DNAH11: variants seen among roughly 807,000 people sequenced by gnomAD.
The protein encoded by DNAH11 is axonemal beta dynein heavy chain 11.
DNAH11 carries 442 observed loss-of-function variants against 526.0 expected under a neutral mutation model. The ratio of observed to expected loss-of-function variants is 0.84; its 90% CI spans 0.78 to 0.91. The LOEUF is 0.91. DNAH11 is among the 40% of genes least tolerant of loss of function. The probability of loss-of-function intolerance (pLI) is 0.00; values close to 1 mark genes in which losing one functional copy is unlikely to be tolerated. For missense variants in DNAH11, 6,989 were observed against 5,448.7 expected (o/e 1.28, Z -8.90); for synonymous variants, 2,461 against 1,935.9 (o/e 1.27, Z -7.12).
intron 30 of DNAH11, among the ~76,000 whole-genome samples, chr7:21,680,676 A>G (rs1178710510): frequency 6.6e-6 from 1 of 152,216 alleles, no homozygotes; most frequent in Admixed American, 6.5e-5. Flanking sequence ...TTTCCATTCT[A>G]TGAAAAAAGA....
At chr7:21,621,144 A>G (rs1562707289) in intron 25 of DNAH11, among the ~76,000 whole-genome samples, 1 of 152,178 alleles carries the variant, frequency 6.6e-6, no homozygotes, top group Non-Finnish European at 1.5e-5. Context: ...CGCCACACTG[A>G]CTTCCACAAG....
intron 58 of DNAH11, among the ~76,000 whole-genome samples, chr7:21,785,808 A>G (rs562018858): frequency 1.3e-5 from 2 of 152,318 alleles, no homozygotes; most frequent in African/African-American, 4.8e-5. Context: ...CTTTGTAATC[A>G]TATACCAAAT....
intron 66 of DNAH11, among the ~76,000 whole-genome samples, chr7:21,844,006 C>T (rs879625539): frequency 1.3e-5 from 2 of 152,158 alleles, no homozygotes; most frequent in African/African-American, 2.4e-5. Context: ...CAACATTATT[C>T]ATATTTTGAA....
chr7:21,691,633 A>G (rs550175305), intron 35 of DNAH11, among the ~76,000 whole-genome samples: 26 of 152,324 alleles, frequency 1.7e-4, no homozygotes, highest in African/African-American at 6.3e-4. Flanking sequence ...GCCTCCTTTT[A>G]TAATTTATAT....
intron 8 of DNAH11, among the ~76,000 whole-genome samples, chr7:21,580,868 C>T (rs1344383728): frequency 6.6e-6 from 1 of 152,212 alleles, no homozygotes; most frequent in Non-Finnish European, 1.5e-5. Flanking sequence ...AGAAACATAG[C>T]ATCTGGGATC....
intron 28 of DNAH11, among the ~76,000 whole-genome samples, chr7:21,652,663 A>G (rs918644823): frequency 5.3e-5 from 8 of 152,154 alleles, no homozygotes; most frequent in Non-Finnish European, 8.8e-5. Flanking sequence ...CAGATTGCAT[A>G]ACGTGATTTC....
Position 21,765,652 on chromosome 7 carries a change from A to ACACACACG in DNAH11, c.9102+70_9102+71insGCACACAC, listed in dbSNP as rs1475274729. 5 of 1,152,050 alleles carry ACACACACG rather than the reference A, an allele frequency of 4.3e-6. No homozygotes were observed. In the African/African-American group the frequency reaches 9.2e-5, roughly 21 times the overall value. 71.4% of individuals were successfully genotyped at this position (1,152,050 alleles called of 1,614,324 possible). ...CACACACACACACACACACACACAC[A>ACACACACG]CACACACTCTGAAAATCCTCAGTAG... On this transcript the variant is annotated intron_variant, in intron 55 of 81. Transcript: ENST00000409508.
chr7:21,810,462 C>T (rs1252164753), intron 63 of DNAH11, among the ~76,000 whole-genome samples: 1 of 152,088 alleles, frequency 6.6e-6, no homozygotes, highest in African/African-American at 2.4e-5. Context: ...TGCTGGTCTC[C>T]GTTACTTTAG....
intron 62 of DNAH11, among the ~76,000 whole-genome samples, chr7:21,804,980 C>T (rs571508254): frequency 6.6e-6 from 1 of 152,194 alleles, no homozygotes; most frequent in African/African-American, 2.4e-5. Flanking sequence ...CCCATCTTCA[C>T]TGGCCTTCTG....
At chr7:21,650,464 C>G (rs1787577013) in intron 28 of DNAH11, among the ~76,000 whole-genome samples, 1 of 150,476 alleles carries the variant, frequency 6.6e-6, no homozygotes, top group African/African-American at 2.4e-5. Flanking sequence ...TAATATTCCT[C>G]TACAATTTGA....
chr7:21,787,881 TC>T (rs1249441706), intron 60 of DNAH11, among the ~76,000 whole-genome samples: 3 of 152,230 alleles, frequency 2.0e-5, no homozygotes, highest in African/African-American at 7.2e-5. Flanking sequence ...AATATTTAAT[TC>T]ATGTTGACTT....
intron 14 of DNAH11, among the ~76,000 whole-genome samples, chr7:21,592,950 T>C (rs1436667420): frequency 6.6e-6 from 1 of 152,128 alleles, no homozygotes; most frequent in African/African-American, 2.4e-5. Flanking sequence ...ACATTTTGAG[T>C]AGACTAGAAT....
chr7:21,651,394 G>A (rs62447807), intron 28 of DNAH11, among the ~76,000 whole-genome samples: 189 of 151,430 alleles, frequency 1.2e-3, no homozygotes, highest in African/African-American at 4.4e-3. Context: ...ACAGAGTCTC[G>A]CTCTGTCACC....
intron 65 of DNAH11, among the ~76,000 whole-genome samples, chr7:21,827,208 C>A: frequency 6.6e-6 from 1 of 152,150 alleles, no homozygotes; most frequent in East Asian, 1.9e-4. Flanking sequence ...TGGGTAATTA[C>A]AAATAATTAA....
chr7:21,806,508 C>T (rs557538348), intron 62 of DNAH11, among the ~76,000 whole-genome samples: 1 of 152,288 alleles, frequency 6.6e-6, no homozygotes, highest in South Asian at 2.1e-4. Context: ...ACCATTTTCA[C>T]ATGCTAATTT....
chr7:21,636,715 G>A (rs772313711), intron 26 of DNAH11, among the ~76,000 whole-genome samples: 12 of 152,178 alleles, frequency 7.9e-5, no homozygotes, highest in Non-Finnish European at 4.4e-5. Context: ...CTCCAGCCTG[G>A]GTGACAGAAT....
intron 55 of DNAH11, among the ~76,000 whole-genome samples, chr7:21,766,782 G>GA (rs1400130275): frequency 2.0e-5 from 3 of 151,376 alleles, no homozygotes; most frequent in African/African-American, 7.3e-5. Flanking sequence ...GAATTTTGTG[G>GA]AGGGAGACCT....
At chr7:21,849,619 C>T (rs976622386) in intron 66 of DNAH11, among the ~76,000 whole-genome samples, 5 of 152,086 alleles carry the variant, frequency 3.3e-5, no homozygotes, top group African/African-American at 1.2e-4. Context: ...TTTCCTTAAA[C>T]ATTTTAAATA....
chr7:21,839,586 A>AG (rs1782127677), intron 65 of DNAH11, among the ~76,000 whole-genome samples: 1 of 151,686 alleles, frequency 6.6e-6, no homozygotes, highest in Non-Finnish European at 1.5e-5. Context: ...AAAAAAAAAA[A>AG]AGGGGACGTA....
Sources: gnomAD v4.1 joint callset for allele counts (sites outside exome capture counted in the v4.1 genomes callset) on GRCh38, gnomAD v4.1.1 for gene constraint, MANE v1.5 for transcripts, NCBI Gene and HGNC (gene_info 2026-07-23, HGNC 2026-07-21) for gene names.